The following A2M variants were observed in gnomAD, a reference collection of about 807,000 sequenced individuals.
A2M encodes the protein C3 and PZP-like alpha-2-macroglobulin domain-containing protein 5.
A neutral mutation model predicts 183.9 loss-of-function variants in A2M; 128 were observed. That is an observed-to-expected ratio of 0.70 (90% CI 0.60 to 0.81). A2M has a LOEUF of 0.81. Ranked by LOEUF, A2M falls within the 30% of genes least tolerant of loss-of-function variation. A2M has a pLI of 0.00. For synonymous variants in A2M, 592 were observed against 670.8 expected (o/e 0.88, Z 1.81); for missense variants, 1,495 against 1,787.6 (o/e 0.84, Z 2.95).
In A2M at chr12:9,115,816, C is replaced by T; in HGVS notation, c.34G>A (p.Val12Ile). Residue 12 changes from valine (V) to isoleucine (I), a missense_variant, in exon 1 of 36, where the codon GTT becomes ATT. Coordinates refer to ENST00000318602, the MANE Select transcript of A2M (RefSeq NM_000014.6). ...GKNKLLHPSL[V>I]LLLLVLLPTD... ...GGCAGGAGGACCAAGAGGAGAAGAA[C>T]CAGACTTGGATGAAGGAGTTTGTTC... The T allele has an allele frequency of 6.2e-7, 1 of 1,613,460 alleles. No homozygotes were observed. Among genetic ancestry groups the T allele is most frequent in the Non-Finnish European group, 8.5e-7 (1 of 1,179,512 alleles).
intron 15 of A2M, among the ~76,000 whole-genome samples, chr12:9,096,799 G>A (rs938615340): frequency 2.6e-5 from 4 of 151,974 alleles, no homozygotes; most frequent in African/African-American, 9.7e-5. Context: ...CATAATTATT[G>A]TCTGTCTCAT....
chr12:9,098,870 G>A (rs1006793843), intron 14 of A2M, 114 bp from the exon 15 acceptor site: 25 of 1,195,374 alleles, frequency 2.1e-5, no homozygotes, highest in Middle Eastern at 1.9e-4. Context: ...GCTTGACTTC[G>A]TGGAGGGTTG....
Position 9,090,406 on chromosome 12 carries a change from C to T in A2M, c.2546G>A (p.Cys849Tyr). ...GGACACAGTTTGCCGCCCGTTTGCA[C>T]AGATGCAGTGAGGCGCTTGTTCCTT... ...VEKEQAPHCI[C>Y]ANGRQTVSWA... is the part of the protein sequence containing the mutation. Residue 849 changes from cysteine to tyrosine, a missense_variant, in exon 20 of 36, where the codon TGT (cysteine) becomes TAT (tyrosine). Cys to Tyr is a radical substitution (Grantham distance 194, BLOSUM62 -2). Transcript: ENST00000318602. 6.2e-7 allele frequency: 1 copy of T among 1,613,992 alleles called. No homozygotes were observed. The highest frequency in any genetic ancestry group is 8.5e-7 in the Non-Finnish European group (1 of 1,179,882).
At chr12:9,097,037 C>G (rs969220253) in intron 15 of A2M, among the ~76,000 whole-genome samples, 1 of 152,170 alleles carries the variant, frequency 6.6e-6, no homozygotes, top group African/African-American at 2.4e-5. Flanking sequence ...TACTAAATCC[C>G]TGAAAGCTTC....
intron 24 of A2M, 51 bp from the exon 25 acceptor site, chr12:9,079,382 G>A (rs1948840231): frequency 6.5e-7 from 1 of 1,542,604 alleles, no homozygotes; most frequent in East Asian, 2.2e-5. Flanking sequence ...TGCATGCTGA[G>A]GGTGGAGAAA....
intron 11 of A2M, 43 bp downstream of exon 11, chr12:9,104,196 C>G: frequency 2.5e-6 from 4 of 1,583,064 alleles, no homozygotes; most frequent in Non-Finnish European, 3.4e-6. Context: ...AACCTTGTTT[C>G]CAAGGCTACT....
Position 9,106,476 on chromosome 12 carries a change from A to G in A2M, c.994+15T>C. On this transcript the variant is annotated intron_variant, in intron 9 of 35. Coordinates refer to ENST00000318602, the MANE Select transcript of A2M (RefSeq NM_000014.6). ...GCCTGTTGTGTTTTCTCTTATACCCATGTAGTACACAAACCTGTTCCTTCT... is the reference window on the plus strand; with the variant it reads ...GCCTGTTGTGTTTTCTCTTATACCCGTGTAGTACACAAACCTGTTCCTTCT... 1 of 1,525,378 alleles carries G rather than the reference A, an allele frequency of 6.6e-7. No individual in the cohort carries two copies. The highest frequency in any genetic ancestry group is 9.0e-7 in the Non-Finnish European group (1 of 1,107,136). The allele number at this position is 1,525,378 out of a possible 1,614,324, so 94.5% of individuals were successfully genotyped here.
intron 14 of A2M, among the ~76,000 whole-genome samples, chr12:9,099,133 T>C (rs930063604): frequency 1.3e-5 from 2 of 152,156 alleles, no homozygotes; most frequent in Admixed American, 1.3e-4. Context: ...CGTTTCATCA[T>C]AGAAGAAGGG....
chr12:9,088,556 A>T (rs778466599), intron 22 of A2M, among the ~76,000 whole-genome samples: 6 of 152,338 alleles, frequency 3.9e-5, no homozygotes, highest in Non-Finnish European at 7.4e-5. Flanking sequence ...CGAAAAACAT[A>T]CTAAATTTGT....
At chr12:9,087,469 G>T (rs1252380694) in intron 22 of A2M, among the ~76,000 whole-genome samples, 1 of 152,124 alleles carries the variant, frequency 6.6e-6, no homozygotes, top group African/African-American at 2.4e-5. Flanking sequence ...CAAATTCACA[G>T]GAGCAGAGAG....
At position 9,110,009 on chromosome 12, in the gene A2M, T is replaced by C. The variant is rs762757107; in HGVS notation, c.531A>G (p.Gln177=). ...IQDPKGNRIA[Q]WQSFQLEGGL... ...CACCCTCTAACTGGAAACTCTGCCATTGTGCGATGCGATTTCCTTTGGGAT... is the reference window on the plus strand; with the variant it reads ...CACCCTCTAACTGGAAACTCTGCCACTGTGCGATGCGATTTCCTTTGGGAT... Residue 177 remains glutamine (Q), a synonymous_variant, in exon 6 of 36, where the codon CAA becomes CAG. Transcript: ENST00000318602. 3.7e-6 allele frequency: 6 copies of C among 1,613,000 alleles called. No homozygotes were observed. In the African/African-American group the frequency reaches 4.0e-5, roughly 11 times the overall value.
rs1949274129 is a variant in A2M at position 9,093,539 on chromosome 12, A to G, written c.2166T>C (p.His722=). Residue 722 remains histidine (H), a synonymous_variant, in exon 18 of 36, where the codon CAT becomes CAC. Coordinates refer to ENST00000318602, the MANE Select transcript of A2M (RefSeq NM_000014.6). ...CGGTCTCCGTGTGAGGCTCTTCAAC[A>G]TGCACCAGGCGTGCATGGCCTCTTC... ...VMGRGHARLV[H]VEEPHTETVR... 6.2e-7 allele frequency: 1 copy of G among 1,612,942 alleles called. No individual in the cohort carries two copies. The highest frequency in any genetic ancestry group is 8.5e-7 in the Non-Finnish European group (1 of 1,179,474).
At chr12:9,077,638 T>A in intron 26 of A2M, 63 bp downstream of exon 26, 2 of 1,586,690 alleles carry the variant, frequency 1.3e-6, no homozygotes, top group Non-Finnish European at 1.7e-6. Context: ...CATTATCACT[T>A]CCTATCCTCA....
At chr12:9,067,875 T>C (rs2137606060) in intron 35 of A2M, 36 bp from the exon 36 acceptor site, 1 of 1,603,146 alleles carries the variant, frequency 6.2e-7, no homozygotes, top group Non-Finnish European at 8.5e-7. Flanking sequence ...TAAGACAGAT[T>C]TGGGTCTCCA....
At chr12:9,068,299 A>G in intron 34 of A2M, 75 bp from the exon 35 acceptor site, 1 of 1,487,254 alleles carries the variant, frequency 6.7e-7, no homozygotes, top group Non-Finnish European at 9.2e-7. Flanking sequence ...TCTGTGGGAT[A>G]CAGGCCAAGG....
chr12:9,093,668 A>C, intron 17 of A2M, 89 bp from the exon 18 acceptor site: 1 of 737,498 alleles, frequency 1.4e-6, no homozygotes, highest in Non-Finnish European at 2.0e-6. Context: ...AAAAAAAAAC[A>C]AAAAACAAAT....
At chr12:9,071,031 G>T (rs1296016782) in intron 31 of A2M, among the ~76,000 whole-genome samples, 1 of 151,956 alleles carries the variant, frequency 6.6e-6, no homozygotes, top group African/African-American at 2.4e-5. Context: ...TGTTGGTCAG[G>T]CTGGTCTTGA....
chr12:9,068,485 A>G (rs915755109), intron 34 of A2M, among the ~76,000 whole-genome samples: 19 of 152,216 alleles, frequency 1.2e-4, no homozygotes, highest in African/African-American at 4.3e-4. Context: ...ATATTGTCAT[A>G]CAGTCCATTT....
intron 1 of A2M, chr12:9,115,278 T>G (rs1939035412): frequency 6.5e-6 from 1 of 154,248 alleles, no homozygotes; most frequent in Non-Finnish European, 1.4e-5. Flanking sequence ...AAAGGATTTC[T>G]CTTCTGACAT....
Sources: allele counts gnomAD v4.1 joint callset (sites outside exome capture counted in the v4.1 genomes callset), GRCh38; gene constraint gnomAD v4.1.1; transcripts MANE v1.5; gene names NCBI Gene and HGNC (gene_info 2026-07-23, HGNC 2026-07-21).